TOGARAM2: variants seen among roughly 807,000 people sequenced by gnomAD.
The protein encoded by TOGARAM2 is TOG array regulator of axonemal microtubules protein 2.
In TOGARAM2, 85 loss-of-function variants were observed where a neutral mutation model predicts 93.3. That is an observed-to-expected ratio of 0.91 (90% CI 0.76 to 1.09). TOGARAM2 has a LOEUF of 1.09. Among genes scored for constraint, TOGARAM2 ranks in the 50% least tolerant of loss-of-function variants. The probability of loss-of-function intolerance (pLI) is 0.00; values close to 1 mark genes in which losing one functional copy is unlikely to be tolerated. For missense variants in TOGARAM2, 1,277 were observed against 1,334.5 expected, an observed-to-expected ratio of 0.96 and a Z score of 0.67; for synonymous variants, 593 against 552.8, an observed-to-expected ratio of 1.07 and a Z score of -1.02.
At chr2:29,028,224 G>C (rs1467073384) in intron 14 of TOGARAM2, among the ~76,000 whole-genome samples, 1 of 152,164 alleles carries the variant, frequency 6.6e-6, no homozygotes, top group Non-Finnish European at 1.5e-5. Flanking sequence ...GCACCTGTCA[G>C]GGCTCCAGAG....
At chr2:29,048,574 T>C (rs911735493) in intron 19 of TOGARAM2, 1 of 152,160 alleles carries the variant, frequency 6.6e-6, no homozygotes, top group Non-Finnish European at 1.5e-5. Flanking sequence ...AGGTATGTCA[T>C]ATAAATGGAA....
rs778719724 is a variant in TOGARAM2, at chr2:29,023,206, C to T, written c.1617+15C>T. The T allele has an allele frequency of 1.9e-6, 3 of 1,562,912 alleles. No homozygotes were observed. The highest frequency in any genetic ancestry group is 8.7e-7 in the Non-Finnish European group (1 of 1,152,188). On this transcript the variant is annotated intron_variant, in intron 12 of 19. Transcript: ENST00000379558. Reference sequence around the variant, plus strand: ...TGACTGGGGAGGTGAGGCCCCCCAGCCTGTGTGCTGTGCATTTGGCCCCAC... The same window carrying T: ...TGACTGGGGAGGTGAGGCCCCCCAGTCTGTGTGCTGTGCATTTGGCCCCAC...
At chr2:28,982,455 G>A (rs538276915) in intron 1 of TOGARAM2, among the ~76,000 whole-genome samples, 3 of 152,146 alleles carry the variant, frequency 2.0e-5, no homozygotes, top group Non-Finnish European at 4.4e-5. Flanking sequence ...GCCCATAATC[G>A]CTTCTATCCT....
intron 8 of TOGARAM2, among the ~76,000 whole-genome samples, chr2:29,016,275 C>G (rs1187161129): frequency 6.6e-6 from 1 of 152,092 alleles, no homozygotes; most frequent in African/African-American, 2.4e-5. Flanking sequence ...CCCACCCCAC[C>G]ATCCCCATCG....
At chr2:29,038,566 C>T (rs1026944851) in intron 18 of TOGARAM2, among the ~76,000 whole-genome samples, 2 of 152,182 alleles carry the variant, frequency 1.3e-5, no homozygotes, top group South Asian at 2.1e-4. Context: ...ATCTCTGCCT[C>T]CTAAGTAGCT....
chr2:28,981,925 G>C (rs915418717), intron 1 of TOGARAM2, among the ~76,000 whole-genome samples: 2 of 152,214 alleles, frequency 1.3e-5, no homozygotes, highest in African/African-American at 2.4e-5. Context: ...GTGCCGGGAA[G>C]GGTGGGGGCA....
intron 13 of TOGARAM2, among the ~76,000 whole-genome samples, chr2:29,025,529 T>C (rs1396993506): frequency 6.6e-6 from 1 of 152,092 alleles, no homozygotes; most frequent in Non-Finnish European, 1.5e-5. Flanking sequence ...TTGATCACTG[T>C]CAACAAGAAC....
Position 29,051,762 on chromosome 2 carries a change from TG to T in TOGARAM2, c.2731del (p.Ala911ProfsTer11). ...CTCCTTTTCTGCCTGACAGTGCTGG[TG>T]GCCTCAGTTTACCCCCGGAAGCCTC... Reference protein sequence around the residue: ...LDVTDRLAVLVASVYPRKPQA... With the variant: ...LDVTDRLAVLXASVYPRKPQA... On this transcript the variant is annotated frameshift_variant, in exon 20 of 20. Transcript: ENST00000379558. LOFTEE classifies it low-confidence loss of function (END_TRUNC). 1.3e-6 allele frequency: 2 copies of T among 1,505,034 alleles called. No individual in the cohort carries two copies. Among genetic ancestry groups the T allele is most frequent in the South Asian group, 2.6e-5 (2 of 76,720 alleles). 93.2% of individuals were successfully genotyped at this position (1,505,034 alleles called of 1,614,324 possible).
Position 29,017,941 on chromosome 2 carries a change from G to T in TOGARAM2, c.1345G>T (p.Ala449Ser), listed in dbSNP as rs967275488. The change falls in exon 10 of 20, where the codon GCC becomes TCC. Residue 449 changes from alanine (A) to serine (S), a missense_variant. Ala to Ser is a moderately conservative substitution (Grantham distance 99). Transcript: ENST00000379558. ...CATCAGCCGGCAGGAGCCCCGCTTTGCCCGCCACGCCTCAGGTGGGCAGGC... is the reference window on the plus strand; with the variant it reads ...CATCAGCCGGCAGGAGCCCCGCTTTTCCCGCCACGCCTCAGGTGGGCAGGC... The part of the protein sequence containing the change: ...IPISRQEPRF[A>S]RHASANSLPA... 13 of 1,603,380 alleles carry T rather than the reference G, an allele frequency of 8.1e-6. No homozygotes were observed. The African/African-American group carries it at 1.6e-4, about 20-fold the overall frequency.
chr2:28,985,577 A>G (rs1434587511), intron 1 of TOGARAM2, among the ~76,000 whole-genome samples: 1 of 152,112 alleles, frequency 6.6e-6, no homozygotes, highest in Non-Finnish European at 1.5e-5. Flanking sequence ...TCTAATTTAT[A>G]TTTGCACCAA....
chr2:28,994,309 A>G (rs1321529621), intron 1 of TOGARAM2, among the ~76,000 whole-genome samples: 1 of 152,138 alleles, frequency 6.6e-6, no homozygotes, highest in Non-Finnish European at 1.5e-5. Context: ...CCCCGCCAAC[A>G]CCTGTGTGAT....
chr2:28,985,938 T>C (rs1672445023), intron 1 of TOGARAM2, among the ~76,000 whole-genome samples: 3 of 151,968 alleles, frequency 2.0e-5, no homozygotes, highest in South Asian at 2.1e-4. Flanking sequence ...ACCCCGTCAC[T>C]ACTAATAATA....
At position 29,014,521 on chromosome 2, in the gene TOGARAM2, C is replaced by T; in HGVS notation, c.1004C>T (p.Pro335Leu). Residue 335 changes from proline (P) to leucine (L), a missense_variant, in exon 8 of 20, where the codon CCT (proline) becomes CTT (leucine). Coordinates refer to ENST00000379558, the MANE Select transcript of TOGARAM2 (RefSeq NM_199280.4). The stretch of plus-strand genomic sequence containing the variant: ...TTTGACTGTGCCAGAGAAGCCTGCC[C>T]TCCGCTGAAAGAAGAGGACCAGAAG... ...FSFDCAREAC[P>L]PLKEEDQKEI... 1 of 1,574,204 alleles carries T rather than the reference C, an allele frequency of 6.4e-7. No individual in the cohort carries two copies. The highest frequency in any genetic ancestry group is 1.4e-5 in the African/African-American group (1 of 74,046).
At chr2:28,973,513 TCCTTCCTG>T (rs1671984119) in intron 1 of TOGARAM2, among the ~76,000 whole-genome samples, 1 of 126,612 alleles carries the variant, frequency 7.9e-6, no homozygotes, top group Non-Finnish European at 1.6e-5. Flanking sequence ...CCTCCTTCCC[TCCTTCCTG>T]CCTTCCTGCC....
intron 13 of TOGARAM2, 102 bp from the exon 14 acceptor site, chr2:29,026,751 G>A: frequency 7.9e-7 from 1 of 1,265,910 alleles, no homozygotes; most frequent in South Asian, 2.1e-5. Flanking sequence ...GCCCCTGGCT[G>A]GCATGAAGCA....
At chr2:28,993,235 T>G (rs1672824368) in intron 1 of TOGARAM2, among the ~76,000 whole-genome samples, 1 of 152,210 alleles carries the variant, frequency 6.6e-6, no homozygotes, top group Non-Finnish European at 1.5e-5. Context: ...AATATTGCTT[T>G]TCTGCATATA....
intron 4 of TOGARAM2, among the ~76,000 whole-genome samples, chr2:29,000,502 A>T (rs1354470492): frequency 6.6e-6 from 1 of 152,208 alleles, no homozygotes; most frequent in Admixed American, 6.5e-5. Flanking sequence ...TATGGGAAGA[A>T]CTTAATACAT....
chr2:28,999,359 C>A lies in TOGARAM2; in HGVS notation c.318C>A (p.Leu106=). ...CTTTGGGGGACCAGCCCCTGGTGCT[C>A]CTCCCTTCTCCGGAGTCAGAGGCCA... ...ALSLGDQPLV[L]LPSPESEANS... The change falls in exon 4 of 20, where the codon CTC becomes CTA. Residue 106 remains leucine, a synonymous_variant. Coordinates refer to ENST00000379558, the MANE Select transcript of TOGARAM2 (RefSeq NM_199280.4). 3 of 1,613,544 alleles carry A rather than the reference C, an allele frequency of 1.9e-6. No homozygotes were observed. Among genetic ancestry groups the A allele is most frequent in the Non-Finnish European group, 8.5e-7 (1 of 1,179,736 alleles).
At chr2:29,051,648 C>G in intron 19 of TOGARAM2, 108 bp from the exon 20 acceptor site, 1 of 811,372 alleles carries the variant, frequency 1.2e-6, no homozygotes, top group East Asian at 2.7e-5. Context: ...AGTTGCTGTG[C>G]CTGCTGGGCT....
Sources: gnomAD v4.1 joint callset for allele counts (sites outside exome capture counted in the v4.1 genomes callset) on GRCh38, gnomAD v4.1.1 for gene constraint, MANE v1.5 for transcripts, NCBI Gene and HGNC (gene_info 2026-07-23, HGNC 2026-07-21) for gene names.